Variants in LRPPRC observed in about 807,000 individuals in gnomAD.
The protein encoded by LRPPRC is leucine-rich PPR motif-containing protein, mitochondrial.
Under a neutral mutation model 180.3 loss-of-function variants are expected in LRPPRC, and 120 were observed. That is an observed-to-expected ratio of 0.67 (90% CI 0.57 to 0.77). The LOEUF is 0.77. Ranked by LOEUF, LRPPRC falls within the 30% of genes least tolerant of loss-of-function variation. The pLI, the probability that LRPPRC is intolerant of heterozygous loss-of-function variation, is 0.00. For synonymous variants in LRPPRC, 723 were observed against 600.0 expected (o/e 1.21, Z -3.00); for missense variants, 2,012 against 1,657.2 (o/e 1.21, Z -3.72).
Position 43,973,918 on chromosome 2 carries a change from C to T in LRPPRC, c.1156-18G>A. ...TCCACAGGCTGTGGGAAAAAAGTCA[C>T]CACATTAGCTGGATTGGCAAACACC... On this transcript the variant is annotated intron_variant, in intron 9 of 37. Transcript: ENST00000260665. The T allele has an allele frequency of 6.9e-7, 1 of 1,445,474 alleles. No individual in the cohort carries two copies. Among genetic ancestry groups the T allele is most frequent in the Non-Finnish European group, 9.7e-7 (1 of 1,026,684 alleles). The allele number at this position is 1,445,474 out of a possible 1,614,324, so 89.5% of individuals were successfully genotyped here. A position where few individuals can be genotyped will look rare whatever the true frequency, so the allele number is the denominator to read the frequency against.
At chr2:43,946,274 A>T (rs1296313403) in intron 20 of LRPPRC, 31 bp from the exon 21 acceptor site, 1 of 1,584,810 alleles carries the variant, frequency 6.3e-7, no homozygotes, top group Admixed American at 1.7e-5. Flanking sequence ...GAAAAAGAAG[A>T]AATCAGTGTG....
intron 13 of LRPPRC, 129 bp downstream of exon 13, chr2:43,960,412 G>A (rs555341675): frequency 6.1e-4 from 428 of 697,934 alleles, no homozygotes; most frequent in Non-Finnish European, 9.7e-4. Flanking sequence ...CTCATAAACC[G>A]TTTTATCAGT....
intron 23 of LRPPRC, among the ~76,000 whole-genome samples, chr2:43,941,576 C>T (rs185347964): frequency 7.2e-5 from 11 of 152,142 alleles, no homozygotes; most frequent in Non-Finnish European, 1.5e-4. Context: ...TTAATCCTAG[C>T]ACTTGTCATG....
intron 22 of LRPPRC, among the ~76,000 whole-genome samples, chr2:43,944,610 T>C (rs1319462385): frequency 1.3e-5 from 2 of 152,098 alleles, no homozygotes; most frequent in African/African-American, 4.8e-5. Context: ...ATTTTCTCCA[T>C]ACATTTTTCC....
chr2:43,953,328 C>T (rs1032507243), intron 14 of LRPPRC, among the ~76,000 whole-genome samples: 5 of 152,172 alleles, frequency 3.3e-5, no homozygotes, highest in South Asian at 2.1e-4. Context: ...CCACAACCTA[C>T]GATTTTTCTT....
intron 3 of LRPPRC, 28 bp from the exon 4 acceptor site, chr2:43,977,304 T>C: frequency 6.3e-7 from 1 of 1,576,470 alleles, no homozygotes; most frequent in Non-Finnish European, 8.7e-7. Context: ...AATGAATTTT[T>C]AGAAAAGCAT....
chr2:43,984,884 T>C (rs1401510514), intron 1 of LRPPRC, among the ~76,000 whole-genome samples: 1 of 152,190 alleles, frequency 6.6e-6, no homozygotes, highest in Non-Finnish European at 1.5e-5. Context: ...CCTAGTTAAA[T>C]GTCTCAGGTT....
At chr2:43,894,042 A>AAAAG (rs1461291312) in intron 36 of LRPPRC, among the ~76,000 whole-genome samples, 28 of 152,272 alleles carry the variant, frequency 1.8e-4, no homozygotes, top group African/African-American at 6.7e-4. Flanking sequence ...CAAACTGGTT[A>AAAAG]AAAGACCAGA....
rs573792373 is a variant in LRPPRC, at chr2:43,993,751, AC to A, written c.149+2047del. Reference sequence around the variant, plus strand: ...CCTTCTACTAAAGAAAAAAAAAAAAACCAGAGAAATAAGTAATGATATCAGA... The same window carrying A: ...CCTTCTACTAAAGAAAAAAAAAAAAACAGAGAAATAAGTAATGATATCAGA... On this transcript the variant is annotated intron_variant, in intron 1 of 37. Transcript: ENST00000260665. 6.0e-3 allele frequency among the ~76,000 whole-genome samples: 871 copies of A among 145,638 alleles called. 7 individuals carry two copies. Among genetic ancestry groups the A allele is most frequent in the African/African-American group, 0.021 (826 of 39,484 alleles).
At chr2:43,950,637 GT>G in intron 14 of LRPPRC, 37 bp from the exon 15 acceptor site, 1 of 1,553,268 alleles carries the variant, frequency 6.4e-7, no homozygotes, top group Non-Finnish European at 8.9e-7. Context: ...ATAAACCCAG[GT>G]TTATTTTCAA....
chr2:43,978,338 T>A (rs760330736), intron 3 of LRPPRC, among the ~76,000 whole-genome samples: 3 of 152,148 alleles, frequency 2.0e-5, no homozygotes, highest in Non-Finnish European at 4.4e-5. Context: ...CAAAGCATCA[T>A]GCTACTGTCA....
chr2:43,924,915 T>G (rs1671823195), intron 27 of LRPPRC, 152 bp downstream of exon 27: 1 of 649,060 alleles, frequency 1.5e-6, no homozygotes, highest in Non-Finnish European at 2.8e-6. Context: ...TAACATTCTG[T>G]GATAAAATTC....
At chr2:43,940,027 C>A (rs370496414) in intron 23 of LRPPRC, among the ~76,000 whole-genome samples, 2 of 152,196 alleles carry the variant, frequency 1.3e-5, no homozygotes, top group African/African-American at 4.8e-5. Context: ...GTACTAAGCA[C>A]ATGAAGCCTG....
At chr2:43,972,524 A>G (rs1673865210) in intron 11 of LRPPRC, among the ~76,000 whole-genome samples, 1 of 152,214 alleles carries the variant, frequency 6.6e-6, no homozygotes, top group African/African-American at 2.4e-5. Context: ...AGTTTGATGG[A>G]ATGATGTAAA....
In LRPPRC at chr2:43,948,503, A is replaced by G; in HGVS notation, c.1751T>C (p.Phe584Ser). The G allele has an allele frequency of 6.3e-7, 1 of 1,592,128 alleles. No individual in the cohort carries two copies. Among genetic ancestry groups the G allele is most frequent in the Non-Finnish European group, 8.6e-7 (1 of 1,159,952 alleles). ...PRGPTEAVGY[F>S]LYNLIDSMSD... ...CATGCTGTCAATCAAGTTATAAAGA[A>G]AATAGCCAACAGCTTCTGTGGAAAA... is the stretch of plus-strand genomic sequence containing the variant. Residue 584 changes from phenylalanine to serine, a missense_variant, in exon 17 of 38, where the codon TTT becomes TCT. By Grantham distance (155) the Phe-to-Ser change is radical. Coordinates refer to ENST00000260665, the MANE Select transcript of LRPPRC (RefSeq NM_133259.4).
chr2:43,995,800 C>G lies in LRPPRC; in HGVS notation c.148G>C (p.Gly50Arg). 1.4e-6 allele frequency: 2 copies of G among 1,385,878 alleles called. No homozygotes were observed. The highest frequency in any genetic ancestry group is 1.5e-5 in the African/African-American group (1 of 65,538). The allele number at this position is 1,385,878 out of a possible 1,614,324, so 85.8% of individuals were successfully genotyped here. A position where few individuals can be genotyped will look rare whatever the true frequency, so the allele number is the denominator to read the frequency against. Residue 50 changes from glycine to arginine, a missense_variant and splice_region_variant, in exon 1 of 38, where the codon GGA becomes CGA. Gly to Arg is a moderately radical substitution (Grantham distance 125, BLOSUM62 -2). Transcript: ENST00000260665. ...LPAARAGPVAGGLLSPARLYA... is the reference protein window; with the variant it reads ...LPAARAGPVARGLLSPARLYA... ...TGGAGAAAGGGCCTGGGCACTCACC[C>G]GGCCACGGGCCCGGCGCGAGCGGCG...
intron 8 of LRPPRC, 91 bp downstream of exon 8, chr2:43,974,523 T>A (rs1673962206): frequency 1.0e-6 from 1 of 959,416 alleles, no homozygotes; most frequent in Non-Finnish European, 1.6e-6. Flanking sequence ...ACTCCCACAA[T>A]GCCCATTGTT....
rs2955283 is a variant in LRPPRC, at chr2:43,903,905, G to A, written c.3364+1787C>T. ...TTTAACTTTTCATTGTTTTAAAATT[G>A]TTTATCATTTTATTACATAAAATAC... On this transcript the variant is annotated intron_variant, in intron 31 of 37. Coordinates refer to ENST00000260665, the MANE Select transcript of LRPPRC (RefSeq NM_133259.4). 24 of 152,196 alleles carry A rather than the reference G, an allele frequency of 1.6e-4. No individual in the cohort carries two copies. The East Asian group carries it at 3.9e-3, about 24-fold the overall frequency. 9.4% of individuals were successfully genotyped at this position (152,196 alleles called of 1,614,324 possible).
At chr2:43,980,484 T>C (rs1674252902) in intron 2 of LRPPRC, among the ~76,000 whole-genome samples, 1 of 139,702 alleles carries the variant, frequency 7.2e-6, no homozygotes, top group Non-Finnish European at 1.5e-5. Flanking sequence ...ACCCAGGAGG[T>C]GGAGGCTGCG....
Sources: allele counts gnomAD v4.1 joint callset (sites outside exome capture counted in the v4.1 genomes callset), GRCh38; gene constraint gnomAD v4.1.1; transcripts MANE v1.5; gene names NCBI Gene and HGNC (gene_info 2026-07-23, HGNC 2026-07-21).